USP34: variants seen among roughly 807,000 people sequenced by gnomAD.
USP34 encodes the protein ubiquitin specific peptidase 34, also known as ubiquitin carboxyl-terminal hydrolase 34.
USP34 carries 70 observed loss-of-function variants against 460.3 expected under a neutral mutation model. That is an observed-to-expected ratio of 0.15 (90% CI 0.13 to 0.19). USP34 has a LOEUF of 0.19. Ranked by LOEUF, USP34 falls within the 10% of genes least tolerant of loss-of-function variation. The probability of loss-of-function intolerance (pLI) is 1.00; values close to 1 mark genes in which losing one functional copy is unlikely to be tolerated. For missense variants in USP34, 3,985 were observed against 4,236.2 expected, an observed-to-expected ratio of 0.94 and a Z score of 1.65; for synonymous variants, 1,647 against 1,405.3, an observed-to-expected ratio of 1.17 and a Z score of -3.85.
intron 70 of USP34, 131 bp from the exon 71 acceptor site, chr2:61,207,017 CG>C: frequency 1.1e-6 from 1 of 926,352 alleles, no homozygotes; most frequent in South Asian, 1.9e-5. Context: ...GCAAAGCAAA[CG>C]TATTTGCTTT....
chr2:61,432,156 T>TA (rs1694694610), intron 1 of USP34, among the ~76,000 whole-genome samples: 2 of 148,664 alleles, frequency 1.3e-5, no homozygotes, highest in Admixed American at 1.3e-4. Context: ...CTGGGCAACT[T>TA]AGACAGAACC....
chr2:61,394,385 C>T (rs536582305), intron 5 of USP34, among the ~76,000 whole-genome samples: 8 of 151,958 alleles, frequency 5.3e-5, no homozygotes, highest in African/African-American at 1.9e-4. Flanking sequence ...CATGGTAAAA[C>T]TCTGTCTCTA....
At chr2:61,193,424 T>C (rs1686700442) in intron 75 of USP34, 1 of 151,194 alleles carries the variant, frequency 6.6e-6, no homozygotes, top group African/African-American at 2.4e-5. Flanking sequence ...TCTTTTACCT[T>C]CTTTCTTCAA....
chr2:61,420,370 G>A (rs912844836), intron 2 of USP34, among the ~76,000 whole-genome samples: 1 of 152,028 alleles, frequency 6.6e-6, no homozygotes, highest in Non-Finnish European at 1.5e-5. Context: ...TATAGAAACG[G>A]AACAGATATT....
At chr2:61,449,632 A>C (rs1232156339) in intron 1 of USP34, among the ~76,000 whole-genome samples, 1 of 152,218 alleles carries the variant, frequency 6.6e-6, no homozygotes, top group African/African-American at 2.4e-5. Flanking sequence ...CAGATCAATG[A>C]AACAGAATAC....
intron 5 of USP34, among the ~76,000 whole-genome samples, chr2:61,392,140 T>C (rs2103894719): frequency 6.6e-6 from 1 of 152,266 alleles, no homozygotes; most frequent in Middle Eastern, 3.4e-3. Context: ...CTTCACAGGT[T>C]GGGCAACAGC....
chr2:61,464,192 G>T (rs144655299), intron 1 of USP34, among the ~76,000 whole-genome samples: 11 of 152,132 alleles, frequency 7.2e-5, no homozygotes, highest in African/African-American at 2.7e-4. Context: ...GGTGGCAGGC[G>T]CCTCTAATTC....
At chr2:61,288,905 C>T (rs751554461) in intron 33 of USP34, 28 bp from the exon 34 acceptor site, 4 of 1,602,840 alleles carry the variant, frequency 2.5e-6, no homozygotes, top group Non-Finnish European at 3.4e-6. Flanking sequence ...TAGTCAATTC[C>T]CTATTTTCAT....
chr2:61,281,298 T>C (rs998430553), intron 37 of USP34, 56 bp from the exon 38 acceptor site: 1 of 1,547,884 alleles, frequency 6.5e-7, no homozygotes, highest in African/African-American at 1.4e-5. Context: ...AAAGTTAATA[T>C]GTTAGCAGAA....
At chr2:61,237,051 TG>T (rs1688089650) in intron 53 of USP34, among the ~76,000 whole-genome samples, 1 of 152,216 alleles carries the variant, frequency 6.6e-6, no homozygotes, top group Non-Finnish European at 1.5e-5. Context: ...AATCTTCCAC[TG>T]AAGATTTTCA....
At chr2:61,260,561 C>A (rs558355802) in intron 43 of USP34, among the ~76,000 whole-genome samples, 1 of 152,198 alleles carries the variant, frequency 6.6e-6, no homozygotes, top group African/African-American at 2.4e-5. Context: ...TGCTGTTTAG[C>A]AGCTTATAAT....
At chr2:61,190,249 G>A (rs1482259378) in intron 78 of USP34, 22 bp downstream of exon 78, 6 of 1,585,136 alleles carry the variant, frequency 3.8e-6, no homozygotes, top group East Asian at 2.2e-5. Context: ...AGTGTGTGCC[G>A]CCGCCTCTGC....
intron 27 of USP34, among the ~76,000 whole-genome samples, chr2:61,308,814 G>A (rs1424213899): frequency 1.3e-5 from 2 of 152,142 alleles, no homozygotes; most frequent in African/African-American, 2.4e-5. Context: ...GCCTAAGTGG[G>A]CAGAAAGCTT....
intron 2 of USP34, among the ~76,000 whole-genome samples, chr2:61,407,778 A>C (rs539293329): frequency 3.9e-5 from 6 of 152,148 alleles, no homozygotes; most frequent in Admixed American, 1.3e-4. Flanking sequence ...CAAGCAGCCT[A>C]AAGAGGAGAC....
chr2:61,374,874 C>T (rs1433580561), intron 8 of USP34, among the ~76,000 whole-genome samples: 1 of 152,118 alleles, frequency 6.6e-6, no homozygotes, highest in Admixed American at 6.5e-5. Flanking sequence ...CAGTCTCCTA[C>T]TTTCAATAAT....
intron 10 of USP34, among the ~76,000 whole-genome samples, chr2:61,356,880 T>TA (rs2103802166): frequency 6.6e-6 from 1 of 152,308 alleles, no homozygotes; most frequent in South Asian, 2.1e-4. Flanking sequence ...AACCACAATT[T>TA]AAAGTGTTTT....
chr2:61,201,211 GTTT>G (rs59199472), intron 75 of USP34, among the ~76,000 whole-genome samples: 5 of 101,386 alleles, frequency 4.9e-5, no homozygotes, highest in South Asian at 3.8e-4. Flanking sequence ...CTCATAGAAA[GTTT>G]TTTTTTTTTT....
chr2:61,265,292 C>A (rs2103917340), intron 43 of USP34, 105 bp downstream of exon 43: 1 of 1,305,380 alleles, frequency 7.7e-7, no homozygotes, highest in South Asian at 1.4e-5. Flanking sequence ...TACTTTTATT[C>A]ACAAATTATT....
intron 8 of USP34, among the ~76,000 whole-genome samples, chr2:61,372,944 T>C (rs1381188262): frequency 6.9e-6 from 1 of 144,978 alleles, no homozygotes; most frequent in Non-Finnish European, 1.5e-5. Flanking sequence ...CACAAAGAAA[T>C]CCACATCTAC....
Sources: allele counts gnomAD v4.1 joint callset (sites outside exome capture counted in the v4.1 genomes callset), GRCh38; gene constraint gnomAD v4.1.1; transcripts MANE v1.5; gene names NCBI Gene and HGNC (gene_info 2026-07-23, HGNC 2026-07-21).